The following PTPRD variants were observed in gnomAD, a reference collection of about 807,000 sequenced individuals.
PTPRD encodes receptor-type tyrosine-protein phosphatase delta.
A neutral mutation model predicts 214.5 loss-of-function variants in PTPRD; 34 were observed. The ratio of observed to expected loss-of-function variants is 0.16; its 90% CI spans 0.12 to 0.21. The LOEUF is 0.21. Ranked by LOEUF, PTPRD falls within the 10% of genes least tolerant of loss-of-function variation. PTPRD has a pLI of 1.00. For synonymous variants in PTPRD, 1,128 were observed against 845.7 expected (o/e 1.33, Z -5.79); for missense variants, 2,545 against 2,398.7 (o/e 1.06, Z -1.27).
chr9:10,005,537 G>A lies in PTPRD; in HGVS notation c.-472+28181C>T, dbSNP rs191017745. Among the ~76,000 whole-genome samples, 4 of 152,082 alleles carry A rather than the reference G, an allele frequency of 2.6e-5. No homozygotes were observed. In the East Asian group the frequency reaches 7.7e-4, roughly 29 times the overall value. ...GCTCAAAAATGGTTATCAGAAAGTC[G>A]AGAATTTAAGAGTGTGTCTTTATCT... is the stretch of plus-strand genomic sequence containing the variant. On this transcript the variant is annotated intron_variant, in intron 4 of 45. Transcript: ENST00000381196.
intron 2 of PTPRD, among the ~76,000 whole-genome samples, chr9:10,396,427 T>G (rs1185636327): frequency 6.6e-6 from 1 of 151,958 alleles, no homozygotes; most frequent in African/African-American, 2.4e-5. Context: ...TTGGGAAGGG[T>G]TGTAAAATAT....
At chr9:10,555,997 A>G (rs2062491916) in intron 2 of PTPRD, among the ~76,000 whole-genome samples, 2 of 152,172 alleles carry the variant, frequency 1.3e-5, no homozygotes, top group Admixed American at 1.3e-4. Context: ...GAGAATACAT[A>G]TTAATTATAA....
At chr9:10,023,140 C>G (rs1460187642) in intron 4 of PTPRD, among the ~76,000 whole-genome samples, 1 of 152,078 alleles carries the variant, frequency 6.6e-6, no homozygotes, top group Non-Finnish European at 1.5e-5. Context: ...ATTTAGATTT[C>G]TGTAAATCAT....
In PTPRD at chr9:9,309,356, A is replaced by G. The variant is rs1004189900; in HGVS notation, c.-203+88093T>C. ...CAAACCAACAACAAAAAAAACAAAG[A>G]ATGTAATCTTTCAGGAGAATGTCAC... On this transcript the variant is annotated intron_variant, in intron 9 of 45. Transcript: ENST00000381196. Among the ~76,000 whole-genome samples the G allele has an allele frequency of 1.1e-4, 16 of 152,270 alleles. No homozygotes were observed. The East Asian group carries it at 3.1e-3, about 29-fold the overall frequency.
At chr9:8,557,745 TAAAAAAAAAA>T in intron 14 of PTPRD, among the ~76,000 whole-genome samples, 1 of 46,768 alleles carries the variant, frequency 2.1e-5, no homozygotes, top group South Asian at 7.9e-4. Context: ...TGTCTCTCAA[TAAAAAAAAAA>T]AAAAAAAAAA....
intron 9 of PTPRD, among the ~76,000 whole-genome samples, chr9:9,328,618 C>CCTTTTTTTTTTTTTTTTTTTTTTTT (rs2041036534): frequency 3.5e-5 from 1 of 28,214 alleles, no homozygotes; most frequent in African/African-American, 1.3e-4. Flanking sequence ...GTTGTTCTTG[C>CCTTTTTTTTTTTTTTTTTTTTTTTT]TTTTTTTTTT....
At chr9:8,597,321 C>A (rs908364859) in intron 14 of PTPRD, among the ~76,000 whole-genome samples, 1 of 152,028 alleles carries the variant, frequency 6.6e-6, no homozygotes, top group African/African-American at 2.4e-5. Context: ...TAAATTTCTG[C>A]CTATCCCTGT....
At chr9:10,323,802 T>C (rs1032360931) in intron 3 of PTPRD, among the ~76,000 whole-genome samples, 9 of 152,002 alleles carry the variant, frequency 5.9e-5, no homozygotes, top group African/African-American at 2.2e-4. Flanking sequence ...AATAAGTGTA[T>C]TATTTATTCC....
chr9:8,803,361 A>G (rs778728339), intron 11 of PTPRD, among the ~76,000 whole-genome samples: 19 of 152,178 alleles, frequency 1.2e-4, no homozygotes, highest in Non-Finnish European at 2.5e-4. Flanking sequence ...AACTATGATT[A>G]CTGAAATCAG....
chr9:10,605,387 G>A (rs976362075), intron 2 of PTPRD, among the ~76,000 whole-genome samples: 1 of 151,880 alleles, frequency 6.6e-6, no homozygotes, highest in Non-Finnish European at 1.5e-5. Flanking sequence ...CGATTTATTT[G>A]TGTTTTTATA....
At chr9:9,107,475 A>G (rs1044391018) in intron 10 of PTPRD, among the ~76,000 whole-genome samples, 3 of 152,166 alleles carry the variant, frequency 2.0e-5, no homozygotes, top group Non-Finnish European at 4.4e-5. Flanking sequence ...TGACTCTACT[A>G]TTGAAACTTT....
intron 5 of PTPRD, among the ~76,000 whole-genome samples, chr9:9,860,259 A>T (rs1018048707): frequency 6.6e-6 from 1 of 152,234 alleles, no homozygotes; most frequent in African/African-American, 2.4e-5. Context: ...CAAATGATGG[A>T]AAAGAATTAC....
At chr9:8,823,652 A>G (rs2097118702) in intron 11 of PTPRD, among the ~76,000 whole-genome samples, 1 of 148,470 alleles carries the variant, frequency 6.7e-6, no homozygotes, top group Admixed American at 6.8e-5. Context: ...ACCCTGTTTC[A>G]AAAAAGGGAA....
chr9:8,929,759 A>ATATATATGTGTGTATATATATGTG (rs1567061206), intron 11 of PTPRD, among the ~76,000 whole-genome samples: 14 of 44,442 alleles, frequency 3.2e-4, no homozygotes, highest in African/African-American at 1.2e-3. Flanking sequence ...ATATATATGT[A>ATATATATGTGTGTATATATATGTG]TATATATGTG....
At chr9:10,210,555 T>A (rs1267540360) in intron 3 of PTPRD, among the ~76,000 whole-genome samples, 1 of 151,660 alleles carries the variant, frequency 6.6e-6, no homozygotes, top group Non-Finnish European at 1.5e-5. Flanking sequence ...CAATTTCCAC[T>A]AGTTATAAGT....
At chr9:10,459,354 T>C (rs2098941480) in intron 2 of PTPRD, among the ~76,000 whole-genome samples, 1 of 152,212 alleles carries the variant, frequency 6.6e-6, no homozygotes, top group African/African-American at 2.4e-5. Context: ...TGTGCCGCAA[T>C]AGACATATAT....
chr9:8,339,356 G>A (rs1850145756), intron 42 of PTPRD, among the ~76,000 whole-genome samples: 1 of 152,068 alleles, frequency 6.6e-6, no homozygotes, highest in South Asian at 2.1e-4. Flanking sequence ...ATACCTACAA[G>A]TTATCCAAAT....
chr9:9,244,767 A>G lies in PTPRD; in HGVS notation c.-202-61404T>C, dbSNP rs957521565. Among the ~76,000 whole-genome samples, 18 of 152,130 alleles carry G rather than the reference A, an allele frequency of 1.2e-4. 1 individual carries two copies. Among genetic ancestry groups the G allele is most frequent in the Non-Finnish European group, 1.5e-5 (1 of 68,030 alleles). ...TAAAACACCAAAAGCAATGGCAACA[A>G]AAGCCAAAATTGACAAATGGGATCT... On this transcript the variant is annotated intron_variant, in intron 9 of 45. Coordinates refer to ENST00000381196, the MANE Select transcript of PTPRD (RefSeq NM_002839.4).
At chr9:10,482,042 A>C (rs934312809) in intron 2 of PTPRD, among the ~76,000 whole-genome samples, 1 of 152,154 alleles carries the variant, frequency 6.6e-6, no homozygotes, top group Non-Finnish European at 1.5e-5. Context: ...AATATAAAAA[A>C]GTGAATAAAA....
Sources: gnomAD v4.1 joint callset for allele counts (sites outside exome capture counted in the v4.1 genomes callset) on GRCh38, gnomAD v4.1.1 for gene constraint, MANE v1.5 for transcripts, NCBI Gene and HGNC (gene_info 2026-07-23, HGNC 2026-07-21) for gene names.